Variants in SLCO4C1 observed in about 807,000 individuals in gnomAD.
SLCO4C1 encodes the protein organic anion transporter M1.
A neutral mutation model predicts 72.1 loss-of-function variants in SLCO4C1; 58 were observed. The ratio of observed to expected loss-of-function variants is 0.80; its 90% CI spans 0.65 to 1.00. The LOEUF (loss-of-function observed/expected upper bound fraction) is 1.00, where lower values mean the gene tolerates loss of function less well. SLCO4C1 is among the 50% of genes least tolerant of loss of function. The pLI is 0.00. For synonymous variants in SLCO4C1, 297 were observed against 312.5 expected, an observed-to-expected ratio of 0.95 and a Z score of 0.52; for missense variants, 898 against 857.9, an observed-to-expected ratio of 1.05 and a Z score of -0.58.
chr5:102,294,802 T>C (rs1202281311), intron 1 of SLCO4C1, among the ~76,000 whole-genome samples: 1 of 152,192 alleles, frequency 6.6e-6, no homozygotes. Flanking sequence ...CTGGGTTCCT[T>C]GAAGAGGAAG....
chr5:102,270,467 TG>T (rs1749129437), intron 3 of SLCO4C1, among the ~76,000 whole-genome samples, 156 bp downstream of exon 3: 1 of 152,160 alleles, frequency 6.6e-6, no homozygotes. Context: ...TGACATTATT[TG>T]GCAGGAAATA....
intron 2 of SLCO4C1, among the ~76,000 whole-genome samples, chr5:102,278,832 T>C (rs1749302174): frequency 6.6e-6 from 1 of 151,544 alleles, no homozygotes; most frequent in African/African-American, 2.4e-5. Flanking sequence ...AATAGTGAAA[T>C]ACAACTCAAG....
intron 10 of SLCO4C1, 23 bp from the exon 11 acceptor site, chr5:102,240,805 A>T (rs371694563): frequency 3.2e-6 from 5 of 1,559,882 alleles, no homozygotes; most frequent in African/African-American, 2.7e-5. Context: ...AATATATATG[A>T]GACCAAAAAA....
chr5:102,256,104 G>C (rs1748830386), intron 8 of SLCO4C1, among the ~76,000 whole-genome samples: 1 of 152,058 alleles, frequency 6.6e-6, no homozygotes, highest in South Asian at 2.1e-4. Flanking sequence ...TACTCCAGAG[G>C]CTGAGACAAG....
intron 1 of SLCO4C1, among the ~76,000 whole-genome samples, chr5:102,293,884 G>A (rs1561384255): frequency 6.6e-6 from 1 of 152,082 alleles, no homozygotes. Flanking sequence ...ACAGGCGTGT[G>A]CCACCGCACC....
At chr5:102,295,802 G>C in intron 1 of SLCO4C1, 106 bp downstream of exon 1, 3 of 1,165,338 alleles carry the variant, frequency 2.6e-6, no homozygotes, top group South Asian at 3.2e-5. Context: ...TGCAGGGCGC[G>C]TCCACCGTCC....
chr5:102,269,861 A>G (rs1416712135), intron 3 of SLCO4C1, among the ~76,000 whole-genome samples: 1 of 151,768 alleles, frequency 6.6e-6, no homozygotes, highest in African/African-American at 2.4e-5. Flanking sequence ...GATAAGACAT[A>G]TTCCTATAGA....
At chr5:102,263,889 T>C (rs1464030601) in intron 3 of SLCO4C1, 109 bp from the exon 4 acceptor site, 4 of 756,128 alleles carry the variant, frequency 5.3e-6, no homozygotes, top group East Asian at 2.8e-5. Flanking sequence ...CAATTAAACA[T>C]ATCAAAATCA....
chr5:102,271,091 T>C (rs1749144440), intron 2 of SLCO4C1, among the ~76,000 whole-genome samples: 5 of 152,096 alleles, frequency 3.3e-5, no homozygotes, highest in African/African-American at 1.2e-4. Context: ...TACTCACACA[T>C]TTACGTGTTG....
In SLCO4C1 at chr5:102,270,712, C is replaced by A; in HGVS notation, c.714G>T (p.Leu238Phe). 2 of 1,612,964 alleles carry A rather than the reference C, an allele frequency of 1.2e-6. No homozygotes were observed. The highest frequency in any genetic ancestry group is 2.2e-5 in the East Asian group (1 of 44,780). The change falls in exon 3 of 13, where the codon TTG (leucine) becomes TTT (phenylalanine). Residue 238 changes from leucine (L) to phenylalanine (F), a missense_variant. Physicochemically the swap from Leu to Phe is conservative, Grantham distance 22. Coordinates refer to ENST00000310954, the MANE Select transcript of SLCO4C1 (RefSeq NM_180991.5). ...YLYVFILGQL[L>F]LGAGGTPLYT... ...AAAGAGGAGTTCCTCCTGCCCCCAG[C>A]AATAGTTGTCCCAAGATGAAGACAT...
At chr5:102,266,612 T>C (rs529967563) in intron 3 of SLCO4C1, among the ~76,000 whole-genome samples, 4 of 151,784 alleles carry the variant, frequency 2.6e-5, no homozygotes, top group African/African-American at 7.3e-5. Flanking sequence ...ATCGCACCAC[T>C]GCACTCCAGC....
In SLCO4C1 at chr5:102,235,986, T is replaced by C. The variant is rs7719298; in HGVS notation, c.*872A>G. 0.25 allele frequency: 38,075 copies of C among 152,110 alleles called. 5,533 individuals carry two copies. Among genetic ancestry groups the C allele is most frequent in the African/African-American group, 0.41 (16,827 of 41,450 alleles). 9.4% of individuals were successfully genotyped at this position (152,110 alleles called of 1,614,324 possible). A position where few individuals can be genotyped will look rare whatever the true frequency, so the allele number is the denominator to read the frequency against. On this transcript the variant is annotated 3_prime_UTR_variant, in exon 13 of 13. Transcript: ENST00000310954. ...ATGAGTAATGTGTTAAGTGGTTGGC[T>C]TTTCAAATAGGAAAAATTAAAGGTA...
At chr5:102,257,004 T>A in intron 8 of SLCO4C1, 111 bp downstream of exon 8, 1 of 768,396 alleles carries the variant, frequency 1.3e-6, no homozygotes, top group Non-Finnish European at 1.9e-6. Context: ...GGAAAAAAGG[T>A]CTTCCAAATT....
At chr5:102,290,552 A>T (rs889337224) in intron 2 of SLCO4C1, among the ~76,000 whole-genome samples, 3 of 152,218 alleles carry the variant, frequency 2.0e-5, no homozygotes, top group Non-Finnish European at 4.4e-5. Context: ...ACTTCTTAAA[A>T]ATAATTCCTA....
At position 102,239,363 on chromosome 5, in the gene SLCO4C1, A is replaced by G. The variant is rs1748497292; in HGVS notation, c.1902T>C (p.Phe634=). The change falls in exon 12 of 13, where the codon TTT becomes TTC. Residue 634 remains phenylalanine, a synonymous_variant. Transcript: ENST00000310954. ...TACATGTGCTGTCTATTGTGAAACCAAATATAATTGGTCCAGGAATTGTCC... is the reference window on the plus strand; with the variant it reads ...TACATGTGCTGTCTATTGTGAAACCGAATATAATTGGTCCAGGAATTGTCC... ...LLGTIPGPII[F]GFTIDSTCIL... is the part of the protein sequence containing the mutation. 6.3e-7 allele frequency: 1 copy of G among 1,591,884 alleles called. No homozygotes were observed. Among genetic ancestry groups the G allele is most frequent in the South Asian group, 1.2e-5 (1 of 85,470 alleles).
intron 2 of SLCO4C1, among the ~76,000 whole-genome samples, chr5:102,286,514 TTAA>T (rs1749455505): frequency 6.6e-6 from 1 of 152,292 alleles, no homozygotes; most frequent in Admixed American, 6.5e-5. Context: ...TTGTGTCATA[TTAA>T]TATTATGTTG....
At chr5:102,266,805 T>C (rs1372278554) in intron 3 of SLCO4C1, among the ~76,000 whole-genome samples, 1 of 152,200 alleles carries the variant, frequency 6.6e-6, no homozygotes, top group South Asian at 2.1e-4. Flanking sequence ...ACGTTCCTTT[T>C]ATACCTAATT....
chr5:102,268,956 C>A (rs1161695506), intron 3 of SLCO4C1, among the ~76,000 whole-genome samples: 1 of 152,064 alleles, frequency 6.6e-6, no homozygotes, highest in Admixed American at 6.6e-5. Context: ...GTGTCCCTCC[C>A]ACCCCCAGAC....
chr5:102,250,444 A>G (rs769878133), intron 8 of SLCO4C1, among the ~76,000 whole-genome samples: 4 of 152,186 alleles, frequency 2.6e-5, no homozygotes, highest in Non-Finnish European at 5.9e-5. Context: ...TCATTCAAAC[A>G]ACATATATTG....
Sources: gnomAD v4.1 joint callset for allele counts (sites outside exome capture counted in the v4.1 genomes callset) on GRCh38, gnomAD v4.1.1 for gene constraint, MANE v1.5 for transcripts, NCBI Gene and HGNC (gene_info 2026-07-23, HGNC 2026-07-21) for gene names.